FBXL7: variants seen among roughly 807,000 people sequenced by gnomAD.
FBXL7 encodes the protein F-box/LRR-repeat protein 7.
In FBXL7, 12 loss-of-function variants were observed where a neutral mutation model predicts 38.3. That is an observed-to-expected ratio of 0.31 (90% CI 0.20 to 0.51). The LOEUF (loss-of-function observed/expected upper bound fraction) is 0.51. Among genes scored for constraint, FBXL7 ranks in the 20% least tolerant of loss-of-function variants. FBXL7 has a pLI of 0.98. For synonymous variants in FBXL7, 297 were observed against 300.9 expected, an observed-to-expected ratio of 0.99 and a Z score of 0.13; for missense variants, 567 against 676.4, an observed-to-expected ratio of 0.84 and a Z score of 1.79.
chr5:15,565,587 GCTCT>G (rs1301079724), intron 1 of FBXL7, among the ~76,000 whole-genome samples: 1 of 150,988 alleles, frequency 6.6e-6, no homozygotes, highest in African/African-American at 2.4e-5. Context: ...AATAAATCTT[GCTCT>G]CTCTCTATAT....
chr5:15,702,913 GGTT>G (rs368111539), intron 2 of FBXL7, among the ~76,000 whole-genome samples: 4 of 152,104 alleles, frequency 2.6e-5, no homozygotes, highest in African/African-American at 9.7e-5. Context: ...GTCAAAGGGG[GGTT>G]GTTCTCTGGC....
intron 2 of FBXL7, among the ~76,000 whole-genome samples, chr5:15,906,202 T>C (rs1741356371): frequency 6.6e-6 from 1 of 152,112 alleles, no homozygotes; most frequent in Non-Finnish European, 1.5e-5. Context: ...CAAAATTTTA[T>C]TGAGGAGCTT....
chr5:15,872,408 T>C (rs1249459873), intron 2 of FBXL7, among the ~76,000 whole-genome samples: 7 of 151,586 alleles, frequency 4.6e-5, no homozygotes, highest in Admixed American at 2.0e-4. Flanking sequence ...AGTTCACACA[T>C]AACAATAACA....
intron 2 of FBXL7, among the ~76,000 whole-genome samples, chr5:15,888,672 G>T (rs1256035374): frequency 1.3e-5 from 2 of 152,088 alleles, no homozygotes; most frequent in Admixed American, 6.6e-5. Context: ...AGGAAATGAG[G>T]TCTAAGACCA....
chr5:15,650,970 C>G (rs575090696), intron 2 of FBXL7, among the ~76,000 whole-genome samples: 1 of 152,244 alleles, frequency 6.6e-6, no homozygotes, highest in Admixed American at 6.5e-5. Context: ...TTGACCTGCT[C>G]CTTGAGTCAT....
chr5:15,531,129 C>T (rs776152390), intron 1 of FBXL7, among the ~76,000 whole-genome samples: 7 of 152,012 alleles, frequency 4.6e-5, no homozygotes, highest in Non-Finnish European at 8.8e-5. Context: ...AGCAAAGCTT[C>T]GAACAATATA....
chr5:15,877,163 A>G (rs540452923), intron 2 of FBXL7, among the ~76,000 whole-genome samples: 3 of 152,280 alleles, frequency 2.0e-5, no homozygotes, highest in South Asian at 2.1e-4. Flanking sequence ...TGGCTTCACA[A>G]CATATCTGCA....
chr5:15,692,735 G>A (rs1349509436), intron 2 of FBXL7, among the ~76,000 whole-genome samples: 4 of 152,246 alleles, frequency 2.6e-5, no homozygotes, highest in African/African-American at 4.8e-5. Flanking sequence ...TCGTACATAG[G>A]GCTAAAAATG....
At chr5:15,676,315 T>G (rs1359078862) in intron 2 of FBXL7, among the ~76,000 whole-genome samples, 2 of 152,180 alleles carry the variant, frequency 1.3e-5, no homozygotes, top group East Asian at 3.8e-4. Context: ...AAATTTTTCT[T>G]TTTCACTTTT....
At chr5:15,692,015 G>A (rs966580744) in intron 2 of FBXL7, among the ~76,000 whole-genome samples, 9 of 152,110 alleles carry the variant, frequency 5.9e-5, no homozygotes, top group African/African-American at 2.2e-4. Context: ...AATGTGCCGT[G>A]GCTGAGCGTC....
intron 2 of FBXL7, among the ~76,000 whole-genome samples, chr5:15,787,032 T>C (rs1737149147): frequency 6.6e-6 from 1 of 152,154 alleles, no homozygotes; most frequent in Non-Finnish European, 1.5e-5. Context: ...ATCAGAGTGA[T>C]GCAGCCACAA....
At chr5:15,698,155 C>G (rs755468796) in intron 2 of FBXL7, among the ~76,000 whole-genome samples, 7 of 152,004 alleles carry the variant, frequency 4.6e-5, no homozygotes, top group African/African-American at 7.2e-5. Flanking sequence ...GAAAAATCAC[C>G]AAGAAAAAAC....
At position 15,619,185 on chromosome 5, in the gene FBXL7, T is replaced by C. The variant is rs188866622; in HGVS notation, c.127+3113T>C. 1.3e-4 allele frequency among the ~76,000 whole-genome samples: 20 copies of C among 152,300 alleles called. No homozygotes were observed. In the East Asian group the frequency reaches 1.4e-3, roughly 10 times the overall value. On this transcript the variant is annotated intron_variant, in intron 2 of 3. Coordinates refer to ENST00000504595, the MANE Select transcript of FBXL7 (RefSeq NM_012304.5). ...TGAGGATTTCTTCCTTTTTCCCCGGTGGCATGGAACCGGAAGATCATACTT... is the reference window on the plus strand; with the variant it reads ...TGAGGATTTCTTCCTTTTTCCCCGGCGGCATGGAACCGGAAGATCATACTT...
intron 2 of FBXL7, among the ~76,000 whole-genome samples, chr5:15,747,705 A>G (rs2937075): frequency 0.64 from 97,181 of 151,996 alleles, 31,626 homozygotes; most frequent in East Asian, 0.73. Context: ...TACGGACCCA[A>G]CATAAGATGA....
rs115676208 is a variant in FBXL7 at position 15,861,663 on chromosome 5, A to T, written c.128-66227A>T. 2.3e-3 allele frequency among the ~76,000 whole-genome samples: 356 copies of T among 152,340 alleles called. 1 individual carries two copies. The highest frequency in any genetic ancestry group is 8.2e-3 in the African/African-American group (339 of 41,584). On this transcript the variant is annotated intron_variant, in intron 2 of 3. Coordinates refer to ENST00000504595, the MANE Select transcript of FBXL7 (RefSeq NM_012304.5). ...TCTAGAATATAGCAGCAGGGATATG[A>T]ACAGAAGAGAGAGAGCTGGTAGCAT...
At chr5:15,934,944 G>T (rs898005591) in intron 3 of FBXL7, among the ~76,000 whole-genome samples, 1 of 152,150 alleles carries the variant, frequency 6.6e-6, no homozygotes, top group African/African-American at 2.4e-5. Context: ...GCCACCCAGG[G>T]ATAAAGACTC....
intron 2 of FBXL7, among the ~76,000 whole-genome samples, chr5:15,644,362 C>T (rs1168300241): frequency 6.7e-6 from 1 of 150,172 alleles, no homozygotes; most frequent in Non-Finnish European, 1.5e-5. Context: ...GTAATCCCAG[C>T]TACTCAGGAG....
intron 1 of FBXL7, among the ~76,000 whole-genome samples, chr5:15,608,145 T>C (rs1365398823): frequency 6.6e-6 from 1 of 152,208 alleles, no homozygotes; most frequent in Non-Finnish European, 1.5e-5. Context: ...TTATTTTAAA[T>C]TTCCTTTCTT....
chr5:15,692,967 T>G (rs1240831694), intron 2 of FBXL7, among the ~76,000 whole-genome samples: 1 of 152,164 alleles, frequency 6.6e-6, no homozygotes, highest in African/African-American at 2.4e-5. Context: ...GATTGGGCCC[T>G]GAGCCTCTGA....
Sources: allele counts gnomAD v4.1 joint callset (sites outside exome capture counted in the v4.1 genomes callset), GRCh38; gene constraint gnomAD v4.1.1; transcripts MANE v1.5; gene names NCBI Gene and HGNC (gene_info 2026-07-23, HGNC 2026-07-21).